BIRC2: variants seen among roughly 807,000 people sequenced by gnomAD.
BIRC2 encodes the protein baculoviral IAP repeat-containing protein 2.
BIRC2 carries 18 observed loss-of-function variants against 60.9 expected under a neutral mutation model. The ratio of observed to expected loss-of-function variants is 0.30; its 90% CI spans 0.20 to 0.44. The LOEUF is 0.44. Among genes scored for constraint, BIRC2 ranks in the 20% least tolerant of loss-of-function variants. BIRC2 has a pLI of 1.00. For synonymous variants in BIRC2, 282 were observed against 247.7 expected (o/e 1.14, Z -1.30); for missense variants, 701 against 728.5 (o/e 0.96, Z 0.43).
chr11:102,363,956 A>G (rs1452267579), intron 5 of BIRC2, among the ~76,000 whole-genome samples: 1 of 151,460 alleles, frequency 6.6e-6, no homozygotes, highest in East Asian at 1.9e-4. Flanking sequence ...AGGCTGAGGC[A>G]GGAGAATTGC....
In BIRC2 at chr11:102,350,703, T is replaced by C; in HGVS notation, c.849T>C (p.Val283=). 1.2e-6 allele frequency: 2 copies of C among 1,612,576 alleles called. No homozygotes were observed. Among genetic ancestry groups the C allele is most frequent in the Non-Finnish European group, 8.5e-7 (1 of 1,179,262 alleles). The change falls in exon 2 of 9, where the codon GTT becomes GTC. Residue 283 remains valine, a synonymous_variant. Coordinates refer to ENST00000227758, the MANE Select transcript of BIRC2 (RefSeq NM_001166.5). ...CATTTATGTACTGGCCATCTAGTGT[T>C]CCAGTTCAGCCTGAGCAGCTTGCAA... ...MRTFMYWPSS[V]PVQPEQLASA... is the part of the protein sequence containing the mutation.
chr11:102,350,324 C>G lies in BIRC2; in HGVS notation c.470C>G (p.Ser157Cys). The G allele has an allele frequency of 6.2e-7, 1 of 1,614,244 alleles. No individual in the cohort carries two copies. ...TTCAGTGGTTCTTACTCCAGCCTTT[C>G]TCCAAACCCTCTTAATTCTAGAGCA... is the stretch of plus-strand genomic sequence containing the variant. ...SLFSGSYSSL[S>C]PNPLNSRAVE... Residue 157 changes from serine (S) to cysteine (C), a missense_variant, in exon 2 of 9, where the codon TCT becomes TGT. Transcript: ENST00000227758.
At chr11:102,375,697 G>T (rs774556338) in intron 6 of BIRC2, among the ~76,000 whole-genome samples, 2 of 151,256 alleles carry the variant, frequency 1.3e-5, no homozygotes, top group African/African-American at 4.9e-5. Context: ...GGAGAATGGC[G>T]TGAACCCGGG....
rs1951544286 is a variant in BIRC2, at chr11:102,365,623, G to T, written c.1123+1907G>T. Among the ~76,000 whole-genome samples the T allele has an allele frequency of 2.0e-5, 3 of 152,190 alleles. No homozygotes were observed. The South Asian group carries it at 6.2e-4, about 31-fold the overall frequency. On this transcript the variant is annotated intron_variant, in intron 5 of 8. Coordinates refer to ENST00000227758, the MANE Select transcript of BIRC2 (RefSeq NM_001166.5). ...AAGGTCTCACTTTGTCACCCAGGCTGTAGTGTGGTTAGGTGCCATCATGGC... is the reference window on the plus strand; with the variant it reads ...AAGGTCTCACTTTGTCACCCAGGCTTTAGTGTGGTTAGGTGCCATCATGGC...
At chr11:102,367,698 C>A (rs1951569399) in intron 5 of BIRC2, among the ~76,000 whole-genome samples, 1 of 152,082 alleles carries the variant, frequency 6.6e-6, no homozygotes. Context: ...CTTTTTTCTT[C>A]AGAGCATCTG....
intron 3 of BIRC2, among the ~76,000 whole-genome samples, chr11:102,356,489 C>T (rs1410753879): frequency 2.0e-5 from 3 of 152,028 alleles, no homozygotes; most frequent in African/African-American, 7.2e-5. Flanking sequence ...AGCCACTGCA[C>T]CCGGCCAGCT....
intron 3 of BIRC2, among the ~76,000 whole-genome samples, chr11:102,359,399 ATAT>A (rs1951459591): frequency 6.6e-6 from 1 of 152,174 alleles, no homozygotes; most frequent in Non-Finnish European, 1.5e-5. Flanking sequence ...CAAATTTAGT[ATAT>A]TATTAATTTG....
Position 102,377,526 on chromosome 11 carries a change from T to C in BIRC2, c.1397T>C (p.Met466Thr). The C allele has an allele frequency of 6.3e-7, 1 of 1,599,106 alleles. No individual in the cohort carries two copies. The highest frequency in any genetic ancestry group is 8.5e-7 in the Non-Finnish European group (1 of 1,176,468). The change falls in exon 7 of 9, where the codon ATG (methionine) becomes ACG (threonine). Residue 466 changes from methionine to threonine, a missense_variant. Coordinates refer to ENST00000227758, the MANE Select transcript of BIRC2 (RefSeq NM_001166.5). Reference protein sequence around the residue: ...DDLSLIRKNRMALFQQLTCVL... With the variant: ...DDLSLIRKNRTALFQQLTCVL... ...TTGTCATTAATTCGGAAGAACAGAA[T>C]GGCTCTCTTTCAACAATTGACATGT...
intron 3 of BIRC2, 128 bp from the exon 4 acceptor site, chr11:102,362,768 C>G: frequency 1.6e-6 from 1 of 642,316 alleles, no homozygotes; most frequent in Non-Finnish European, 2.7e-6. Flanking sequence ...TGTATGTGTT[C>G]TGGGTTGTGA....
At chr11:102,354,462 G>A (rs947177054) in intron 3 of BIRC2, among the ~76,000 whole-genome samples, 14 of 152,200 alleles carry the variant, frequency 9.2e-5, no homozygotes, top group African/African-American at 1.9e-4. Context: ...ACCCGGAGTG[G>A]ATGGGATTAT....
At chr11:102,368,618 G>A in intron 6 of BIRC2, 70 bp downstream of exon 6, 3 of 1,547,978 alleles carry the variant, frequency 1.9e-6, no homozygotes, top group Non-Finnish European at 2.6e-6. Context: ...CATGTTACAG[G>A]ACACCATGCT....
At chr11:102,374,878 T>G (rs1032825777) in intron 6 of BIRC2, among the ~76,000 whole-genome samples, 2 of 152,136 alleles carry the variant, frequency 1.3e-5, no homozygotes, top group Non-Finnish European at 2.9e-5. Context: ...GGTTCGCCGT[T>G]TTTTAAGCCA....
In BIRC2 at chr11:102,350,374, A is replaced by G; in HGVS notation, c.520A>G (p.Thr174Ala). 4 of 1,614,230 alleles carry G rather than the reference A, an allele frequency of 2.5e-6. No individual in the cohort carries two copies. Among genetic ancestry groups the G allele is most frequent in the Non-Finnish European group, 3.4e-6 (4 of 1,180,042 alleles). ...AGTTGAAGACATCTCTTCATCGAGGACTAACCCCTACAGTTATGCAATGAG... is the reference window on the plus strand; with the variant it reads ...AGTTGAAGACATCTCTTCATCGAGGGCTAACCCCTACAGTTATGCAATGAG... ...RAVEDISSSRTNPYSYAMSTE... is the reference protein window; with the variant it reads ...RAVEDISSSRANPYSYAMSTE... Residue 174 changes from threonine (T) to alanine (A), a missense_variant, in exon 2 of 9, where the codon ACT becomes GCT. By Grantham distance (58) the Thr-to-Ala change is moderately conservative (BLOSUM62 0). Coordinates refer to ENST00000227758, the MANE Select transcript of BIRC2 (RefSeq NM_001166.5).
intron 3 of BIRC2, among the ~76,000 whole-genome samples, chr11:102,354,444 A>G (rs1951397828): frequency 6.6e-6 from 1 of 152,300 alleles, no homozygotes; most frequent in African/African-American, 2.4e-5. Context: ...CCTGATCTCA[A>G]GTGATCCACC....
At position 102,363,726 on chromosome 11, in the gene BIRC2, A is replaced by C. The variant is rs1320195630; in HGVS notation, c.1123+10A>C. 21 of 1,603,642 alleles carry C rather than the reference A, an allele frequency of 1.3e-5. No homozygotes were observed. The highest frequency in any genetic ancestry group is 1.6e-5 in the Non-Finnish European group (19 of 1,171,622). ...AATGCTGACCCACCAAGTATGTATG[A>C]GATAATTTTAAGTATAGAGTGTAAA... is the stretch of plus-strand genomic sequence containing the variant. On this transcript the variant is annotated intron_variant, in intron 5 of 8. Coordinates refer to ENST00000227758, the MANE Select transcript of BIRC2 (RefSeq NM_001166.5).
At chr11:102,363,068 A>G (rs555177276) in intron 4 of BIRC2, 94 bp downstream of exon 4, 1 of 944,690 alleles carries the variant, frequency 1.1e-6, no homozygotes, top group Admixed American at 2.4e-5. Context: ...GATTTTTGCC[A>G]TTGAAAGTCA....
Position 102,350,181 on chromosome 11 carries a change from C to T in BIRC2, c.327C>T (p.Ser109=). 1 of 1,614,224 alleles carries T rather than the reference C, an allele frequency of 6.2e-7. No individual in the cohort carries two copies. Among genetic ancestry groups the T allele is most frequent in the Non-Finnish European group, 8.5e-7 (1 of 1,180,038 alleles). The part of the protein sequence containing the change: ...PIQKHKQLYP[S]CSFIQNLVSA... Reference sequence around the variant, plus strand: ...AAAAGCATAAACAGCTATATCCTAGCTGTAGCTTTATTCAGAATCTGGTTT... The same window carrying T: ...AAAAGCATAAACAGCTATATCCTAGTTGTAGCTTTATTCAGAATCTGGTTT... Residue 109 remains serine, a synonymous_variant, in exon 2 of 9, where the codon AGC becomes AGT. Coordinates refer to ENST00000227758, the MANE Select transcript of BIRC2 (RefSeq NM_001166.5).
At chr11:102,351,614 C>CAAAAA (rs768269523) in intron 3 of BIRC2, among the ~76,000 whole-genome samples, 3 of 68,604 alleles carry the variant, frequency 4.4e-5, no homozygotes, top group African/African-American at 1.2e-4. Context: ...GACTCTGTCT[C>CAAAAA]AAAAAAAAAA....
At position 102,350,621 on chromosome 11, in the gene BIRC2, C is replaced by A. The variant is rs1951348230; in HGVS notation, c.767C>A (p.Thr256Asn). ...CCATTTTTGGAAAATTCTCTAGAAA[C>A]TCTGAGGTTTAGCATTTCAAATCTG... ...NCPFLENSLE[T>N]LRFSISNLSM... Residue 256 changes from threonine to asparagine, a missense_variant, in exon 2 of 9, where the codon ACT (threonine) becomes AAT (asparagine). Coordinates refer to ENST00000227758, the MANE Select transcript of BIRC2 (RefSeq NM_001166.5). 6.2e-7 allele frequency: 1 copy of A among 1,614,156 alleles called. No individual in the cohort carries two copies. Among genetic ancestry groups the A allele is most frequent in the South Asian group, 1.1e-5 (1 of 91,088 alleles).
Sources: allele counts gnomAD v4.1 joint callset (sites outside exome capture counted in the v4.1 genomes callset), GRCh38; gene constraint gnomAD v4.1.1; transcripts MANE v1.5; gene names NCBI Gene and HGNC (gene_info 2026-07-23, HGNC 2026-07-21).